COL25A1: variants seen among roughly 807,000 people sequenced by gnomAD.
COL25A1 encodes collagen alpha-1(XXV) chain.
Under a neutral mutation model 128.4 loss-of-function variants are expected in COL25A1, and 103 were observed. The observed-to-expected ratio is 0.80, with a 90% confidence interval of 0.68 to 0.94. The LOEUF is 0.94. Among genes scored for constraint, COL25A1 ranks in the 40% least tolerant of loss-of-function variants. COL25A1 has a pLI of 0.00. For missense variants in COL25A1, 745 were observed against 840.0 expected (o/e 0.89, Z 1.40); for synonymous variants, 279 against 277.2 (o/e 1.01, Z -0.06).
chr4:109,195,571 C>G (rs534001514), intron 3 of COL25A1, among the ~76,000 whole-genome samples: 33 of 152,124 alleles, frequency 2.2e-4, no homozygotes, highest in African/African-American at 7.5e-4. Flanking sequence ...ATGAATTGTA[C>G]AAATGGGAGA....
Position 108,862,504 on chromosome 4 carries a change from T to C in COL25A1, c.1194A>G (p.Ser398=), listed in dbSNP as rs370686654. 1.4e-5 allele frequency: 22 copies of C among 1,610,632 alleles called. No individual in the cohort carries two copies. Among genetic ancestry groups the C allele is most frequent in the Non-Finnish European group, 1.7e-5 (20 of 1,177,020 alleles). ...AAATGGTTATCTGGTTACTGACCTT[T>C]GACCCCTTTGGGCCTCTAGTTCCTG... The part of the protein sequence containing the change: ...GESGTRGPKG[S]KGDRGEKGDS... Residue 398 remains serine (S), a synonymous_variant, in exon 22 of 38, where the codon TCA becomes TCG. Coordinates refer to ENST00000399132, the MANE Select transcript of COL25A1 (RefSeq NM_198721.4).
Position 108,813,154 on chromosome 4 carries a change from G to A in COL25A1, c.*773C>T, listed in dbSNP as rs1378076360. ...CAAGGGCAGCCCAAGGAAAACTGGT[G>A]GCAGCAACAGGCTCAACCCCTTCGT... is the stretch of plus-strand genomic sequence containing the variant. On this transcript the variant is annotated 3_prime_UTR_variant, in exon 38 of 38. Transcript: ENST00000399132. The A allele has an allele frequency of 1.3e-5, 2 of 152,198 alleles. No individual in the cohort carries two copies. Among genetic ancestry groups the A allele is most frequent in the Non-Finnish European group, 2.9e-5 (2 of 68,074 alleles). 9.4% of individuals were successfully genotyped at this position (152,198 alleles called of 1,614,324 possible). A position where few individuals can be genotyped will look rare whatever the true frequency, so the allele number is the denominator to read the frequency against.
intron 3 of COL25A1, among the ~76,000 whole-genome samples, chr4:109,110,999 C>A (rs1468061212): frequency 6.6e-6 from 1 of 152,192 alleles, no homozygotes. Flanking sequence ...AACATTTACC[C>A]TTCAAGCATT....
At chr4:109,085,449 T>A (rs1764265793) in intron 3 of COL25A1, among the ~76,000 whole-genome samples, 1 of 152,186 alleles carries the variant, frequency 6.6e-6, no homozygotes, top group Non-Finnish European at 1.5e-5. Flanking sequence ...TTCCACTTAC[T>A]CCGTCTCAAT....
chr4:109,073,326 A>G (rs924593760), intron 3 of COL25A1, among the ~76,000 whole-genome samples: 1 of 152,162 alleles, frequency 6.6e-6, no homozygotes, highest in African/African-American at 2.4e-5. Flanking sequence ...AGGATTTGGA[A>G]ATACCTCTAG....
chr4:108,888,266 A>G (rs1197655189), intron 18 of COL25A1, among the ~76,000 whole-genome samples: 2 of 152,136 alleles, frequency 1.3e-5, no homozygotes, highest in African/African-American at 4.8e-5. Flanking sequence ...TGGAAACCTT[A>G]TTTTACTACA....
At position 108,918,217 on chromosome 4, in the gene COL25A1, C is replaced by A. The variant is rs1182954181; in HGVS notation, c.736-1G>T. The A allele has an allele frequency of 3.1e-6, 5 of 1,591,966 alleles. No individual in the cohort carries two copies. The highest frequency in any genetic ancestry group is 1.7e-5 in the Admixed American group (1 of 58,466). ...GAATTCCAGGTGCTCCAATAGAACC[C>A]TAAAGAGACACATGATTAAATTCAG... On this transcript the variant is annotated splice_acceptor_variant, in intron 12 of 37. Coordinates refer to ENST00000399132, the MANE Select transcript of COL25A1 (RefSeq NM_198721.4). LOFTEE classifies it high-confidence loss of function.
In COL25A1 at chr4:109,111,162, T is replaced by C. The variant is rs143817184; in HGVS notation, c.368-60983A>G. On this transcript the variant is annotated intron_variant, in intron 3 of 37. Transcript: ENST00000399132. ...AATTGTGTTTATTTGATGTACTATG[T>C]GGTGTTTTCGCAATGACTGTTCTTT... Among the ~76,000 whole-genome samples, 111 of 152,292 alleles carry C rather than the reference T, an allele frequency of 7.3e-4. 3 individuals are homozygous for C. The highest frequency in any genetic ancestry group is 5.6e-3 in the Admixed American group (86 of 15,300).
At chr4:108,909,323 C>A (rs988318528) in intron 13 of COL25A1, among the ~76,000 whole-genome samples, 1 of 152,128 alleles carries the variant, frequency 6.6e-6, no homozygotes, top group Non-Finnish European at 1.5e-5. Context: ...AATGTGAATA[C>A]TAAATAGTAG....
At chr4:109,039,047 G>A (rs1017169988) in intron 5 of COL25A1, among the ~76,000 whole-genome samples, 7 of 151,876 alleles carry the variant, frequency 4.6e-5, no homozygotes, top group African/African-American at 1.2e-4. Flanking sequence ...ACATCATCAC[G>A]CGTCTGTCAT....
At chr4:109,188,243 A>G (rs552765631) in intron 3 of COL25A1, among the ~76,000 whole-genome samples, 2 of 152,306 alleles carry the variant, frequency 1.3e-5, no homozygotes, top group Admixed American at 1.3e-4. Context: ...GATGCTCCTC[A>G]TGCCCTATCC....
intron 3 of COL25A1, among the ~76,000 whole-genome samples, chr4:109,130,208 T>A (rs1286022582): frequency 6.6e-6 from 1 of 152,082 alleles, no homozygotes; most frequent in Admixed American, 6.6e-5. Context: ...ATGATTAAAG[T>A]CAAATCAACA....
chr4:109,121,958 T>C (rs1768144204), intron 3 of COL25A1, among the ~76,000 whole-genome samples: 1 of 152,066 alleles, frequency 6.6e-6, no homozygotes, highest in Non-Finnish European at 1.5e-5. Flanking sequence ...AGAGATGAGC[T>C]ATCAAGCCAT....
intron 3 of COL25A1, among the ~76,000 whole-genome samples, chr4:109,057,365 C>T (rs3113683): frequency 0.49 from 73,824 of 149,302 alleles, 19,975 homozygotes; most frequent in African/African-American, 0.7. Flanking sequence ...CCTCCTGAGT[C>T]CAAGCGATTC....
intron 20 of COL25A1, among the ~76,000 whole-genome samples, chr4:108,867,996 A>T (rs1265081479): frequency 6.6e-6 from 1 of 152,122 alleles, no homozygotes; most frequent in Non-Finnish European, 1.5e-5. Flanking sequence ...ATTTTTGCAG[A>T]CGTTATTCAG....
Position 108,869,079 on chromosome 4 carries a change from C to A in COL25A1, c.1083+9G>T. 1 of 1,549,948 alleles carries A rather than the reference C, an allele frequency of 6.5e-7. No individual in the cohort carries two copies. The highest frequency in any genetic ancestry group is 8.8e-7 in the Non-Finnish European group (1 of 1,140,718). On this transcript the variant is annotated intron_variant, in intron 20 of 37. Coordinates refer to ENST00000399132, the MANE Select transcript of COL25A1 (RefSeq NM_198721.4). Reference sequence around the variant, plus strand: ...AGAAAGAAAGAAGGAAAGAAAGAGGCCCACTTACTTTTGTTCCTGGTAAAC... The same window carrying A: ...AGAAAGAAAGAAGGAAAGAAAGAGGACCACTTACTTTTGTTCCTGGTAAAC...
intron 13 of COL25A1, among the ~76,000 whole-genome samples, chr4:108,912,537 C>T (rs760151302): frequency 3.9e-5 from 6 of 152,010 alleles, no homozygotes; most frequent in Non-Finnish European, 8.8e-5. Flanking sequence ...TAATAAATTA[C>T]TGGGTAAATT....
chr4:109,199,862 C>T (rs1776414664), intron 3 of COL25A1, among the ~76,000 whole-genome samples: 2 of 152,212 alleles, frequency 1.3e-5, no homozygotes. Context: ...GAAGCCTGCT[C>T]TCCTAGCCTG....
intron 19 of COL25A1, among the ~76,000 whole-genome samples, chr4:108,880,012 T>C (rs1410984018): frequency 6.6e-6 from 1 of 151,500 alleles, no homozygotes; most frequent in Non-Finnish European, 1.5e-5. Context: ...TTTCACCTTG[T>C]TGGTCAGGCT....
Sources: gnomAD v4.1 joint callset for allele counts (sites outside exome capture counted in the v4.1 genomes callset) on GRCh38, gnomAD v4.1.1 for gene constraint, MANE v1.5 for transcripts, NCBI Gene and HGNC (gene_info 2026-07-23, HGNC 2026-07-21) for gene names.